The following SETBP1 variants were observed in gnomAD, a reference collection of about 807,000 sequenced individuals.
The protein encoded by SETBP1 is SET binding protein 1.
In SETBP1, 9 loss-of-function variants were observed where a neutral mutation model predicts 101.0. The observed-to-expected ratio is 0.09, with a 90% CI of 0.05 to 0.16. The LOEUF (loss-of-function observed/expected upper bound fraction) is 0.16. SETBP1 is among the 10% of genes least tolerant of loss of function. The pLI is 1.00. For synonymous variants in SETBP1, 818 were observed against 788.5 expected, an observed-to-expected ratio of 1.04 and a Z score of -0.63; for missense variants, 1,858 against 2,033.8, an observed-to-expected ratio of 0.91 and a Z score of 1.66.
At chr18:44,813,655 C>A (rs1289345540) in intron 2 of SETBP1, among the ~76,000 whole-genome samples, 1 of 152,170 alleles carries the variant, frequency 6.6e-6, no homozygotes, top group Non-Finnish European at 1.5e-5. Flanking sequence ...GCAGCTTTTG[C>A]CTTCTGAGGA....
intron 2 of SETBP1, among the ~76,000 whole-genome samples, chr18:44,806,623 CTTTTTTTTTTTTTTTTTTTTTTTTTTTTT>C (rs71177656): frequency 7.2e-5 from 2 of 27,830 alleles, no homozygotes; most frequent in East Asian, 1.1e-3. Context: ...TAATGAGCTC[CTTTTTTTTTTTTTTTTTTTTTTTTTTTTT>C]TTTTTTTTTT....
chr18:44,762,543 G>GTAT (rs1428926866), intron 2 of SETBP1, among the ~76,000 whole-genome samples: 2 of 152,172 alleles, frequency 1.3e-5, no homozygotes, highest in Non-Finnish European at 2.9e-5. Context: ...TTACTATATA[G>GTAT]TATTATCTCA....
intron 5 of SETBP1, among the ~76,000 whole-genome samples, chr18:45,055,579 G>A (rs2073795334): frequency 6.6e-6 from 1 of 151,902 alleles, no homozygotes; most frequent in Non-Finnish European, 1.5e-5. Context: ...AAGCACTTGT[G>A]ATAAGTAATT....
At chr18:44,916,926 TG>T (rs1199745871) in intron 3 of SETBP1, among the ~76,000 whole-genome samples, 3 of 152,208 alleles carry the variant, frequency 2.0e-5, no homozygotes. Flanking sequence ...TCCCTGAACC[TG>T]GTAACACAGA....
intron 2 of SETBP1, among the ~76,000 whole-genome samples, chr18:44,710,446 A>G (rs897994373): frequency 9.2e-5 from 11 of 119,218 alleles, no homozygotes; most frequent in African/African-American, 3.5e-4. Flanking sequence ...CATGCATTTT[A>G]GGAGTTTTTT....
At chr18:44,821,210 C>T (rs2072108397) in intron 2 of SETBP1, among the ~76,000 whole-genome samples, 2 of 152,324 alleles carry the variant, frequency 1.3e-5, no homozygotes, top group East Asian at 1.9e-4. Flanking sequence ...TTAACTCCTT[C>T]TCTGCCCACC....
In SETBP1 at chr18:44,952,906, G is replaced by A. The variant is rs374624942; in HGVS notation, c.3566G>A (p.Arg1189Gln). The A allele has an allele frequency of 2.4e-5, 38 of 1,614,164 alleles. No individual in the cohort carries two copies. The highest frequency in any genetic ancestry group is 1.8e-4 in the South Asian group (16 of 91,084). Residue 1189 changes from arginine (R) to glutamine (Q), a missense_variant, in exon 4 of 6, where the codon CGG (arginine) becomes CAG (glutamine). Physicochemically the swap from Arg to Gln is conservative, Grantham distance 43 (BLOSUM62 1). This residue lies in a region of SETBP1 where 417 missense variants were observed against 389.1 expected (regional missense o/e 1.07). Transcript: ENST00000649279. ...TTCTCCAGCCACATCCTGAGCGAGCGGCTGAGTAGCGCAGACAAAGAGCTC... is the reference window on the plus strand; with the variant it reads ...TTCTCCAGCCACATCCTGAGCGAGCAGCTGAGTAGCGCAGACAAAGAGCTC... ...TGFSSHILSE[R>Q]LSSADKELPL...
At chr18:44,839,873 G>A (rs2072581112) in intron 2 of SETBP1, among the ~76,000 whole-genome samples, 1 of 152,198 alleles carries the variant, frequency 6.6e-6, no homozygotes, top group Admixed American at 6.5e-5. Flanking sequence ...AGTACAGAGG[G>A]ATGTGATTGC....
chr18:45,030,460 G>A lies in SETBP1; in HGVS notation c.4001-8025G>A, dbSNP rs1277713503. ...GCATCAATGTTCATCAAGGATATTG[G>A]TCTAAAATTCTCTTTTTTGGTTGTG... On this transcript the variant is annotated intron_variant, in intron 4 of 5. Coordinates refer to ENST00000649279, the MANE Select transcript of SETBP1 (RefSeq NM_015559.3). 6.5e-4 allele frequency among the ~76,000 whole-genome samples: 86 copies of A among 132,282 alleles called. 1 individual carries two copies. Among genetic ancestry groups the A allele is most frequent in the Middle Eastern group, 3.6e-3 (1 of 276 alleles). The allele number at this position is 132,282 out of a possible 152,430, so 86.8% of individuals were successfully genotyped here.
chr18:44,927,472 A>G (rs2070730918), intron 3 of SETBP1, among the ~76,000 whole-genome samples: 1 of 152,214 alleles, frequency 6.6e-6, no homozygotes. Context: ...ATAGAGGAAA[A>G]GACAAAACTC....
chr18:45,027,927 C>T (rs1037443387), intron 4 of SETBP1, among the ~76,000 whole-genome samples: 3 of 152,124 alleles, frequency 2.0e-5, no homozygotes, highest in Non-Finnish European at 2.9e-5. Context: ...ATCTGCATTC[C>T]GTGATCATGA....
In SETBP1 at chr18:44,950,963, C is replaced by G; in HGVS notation, c.1623C>G (p.Thr541=). Residue 541 remains threonine, a synonymous_variant, in exon 4 of 6, where the codon ACC becomes ACG. Coordinates refer to ENST00000649279, the MANE Select transcript of SETBP1 (RefSeq NM_015559.3). ...RWTCSKPKPS[T]MLREAVMATS... is the part of the protein sequence containing the mutation. Reference sequence around the variant, plus strand: ...CTTGCAGCAAACCAAAACCTAGCACCATGCTTCGAGAGGCAGTTATGGCCA... The same window carrying G: ...CTTGCAGCAAACCAAAACCTAGCACGATGCTTCGAGAGGCAGTTATGGCCA... The G allele has an allele frequency of 1.9e-6, 3 of 1,614,114 alleles. No individual in the cohort carries two copies. The highest frequency in any genetic ancestry group is 2.2e-5 in the East Asian group (1 of 44,874).
Position 44,701,822 on chromosome 18 carries a change from C to A in SETBP1, c.476C>A (p.Ser159Tyr). 1 of 1,612,920 alleles carries A rather than the reference C, an allele frequency of 6.2e-7. No individual in the cohort carries two copies. Residue 159 changes from serine to tyrosine, a missense_variant, in exon 2 of 6, where the codon TCC becomes TAC. By Grantham distance (144) the Ser-to-Tyr change is moderately radical. Around this residue, in one of 12 missense-constraint regions of SETBP1, gnomAD observed 581 missense variants for 535.1 expected, o/e 1.09. Coordinates refer to ENST00000649279, the MANE Select transcript of SETBP1 (RefSeq NM_015559.3). ...KATKEEERSH[S>Y]KKKLLTASDL... is the part of the protein sequence containing the mutation. ...ACGAAGGAGGAAGAAAGAAGCCACT[C>A]CAAAAAGAAGGTAGGAAGCCCTGTC...
intron 2 of SETBP1, among the ~76,000 whole-genome samples, chr18:44,779,276 C>G (rs1012549200): frequency 9.9e-5 from 15 of 152,134 alleles, no homozygotes; most frequent in African/African-American, 3.1e-4. Flanking sequence ...ATCTTCAGAG[C>G]CTTGCACTTG....
upstream of SETBP1, chr18:44,680,360 G>C (rs2144067377): frequency 6.6e-6 from 1 of 151,788 alleles, no homozygotes; most frequent in Admixed American, 6.6e-5. Flanking sequence ...CTGAGCGAGC[G>C]CCGGGGCCAG....
At chr18:45,045,194 C>A (rs1026947317) in intron 5 of SETBP1, among the ~76,000 whole-genome samples, 1 of 152,056 alleles carries the variant, frequency 6.6e-6, no homozygotes, top group South Asian at 2.1e-4. Flanking sequence ...GAAGCCAAGG[C>A]AGGTGGATCA....
rs535040558 is a variant in SETBP1, at chr18:44,927,346, T to C, written c.541-22535T>C. On this transcript the variant is annotated intron_variant, in intron 3 of 5. Transcript: ENST00000649279. ...GCAACTGCCCACAGACAGGCGCCAG[T>C]GCTCATCATTGAAAATATGTGATTC... 2.0e-5 allele frequency among the ~76,000 whole-genome samples: 3 copies of C among 152,318 alleles called. No homozygotes were observed. The South Asian group carries it at 6.2e-4, about 32-fold the overall frequency.
chr18:44,821,739 C>T lies in SETBP1; in HGVS notation c.487-47491C>T, dbSNP rs137938030. ...GATTCCTTAATATCTGTTATTGCAG[C>T]GGGAAAGAAAGACTCATGGGTGGAA... On this transcript the variant is annotated intron_variant, in intron 2 of 5. Transcript: ENST00000649279. 8.5e-5 allele frequency among the ~76,000 whole-genome samples: 13 copies of T among 152,238 alleles called. No homozygotes were observed. The East Asian group carries it at 2.1e-3, about 25-fold the overall frequency.
chr18:44,685,162 C>G (rs954147132), intron 1 of SETBP1, among the ~76,000 whole-genome samples: 2 of 152,054 alleles, frequency 1.3e-5, no homozygotes, highest in Admixed American at 6.5e-5. Context: ...CTGAGCTGAC[C>G]CTCAGGTAGG....
Sources: allele counts gnomAD v4.1 joint callset (sites outside exome capture counted in the v4.1 genomes callset), GRCh38; gene constraint gnomAD v4.1.1; regional missense constraint gnomAD v4.1.1; transcripts MANE v1.5; gene names NCBI Gene and HGNC (gene_info 2026-07-23, HGNC 2026-07-21).